BNC2: variants seen among roughly 807,000 people sequenced by gnomAD.
The protein encoded by BNC2 is zinc finger protein basonuclin-2.
Under a neutral mutation model 76.3 loss-of-function variants are expected in BNC2, and 20 were observed. That is an observed-to-expected ratio of 0.26 (90% CI 0.18 to 0.38). The LOEUF (loss-of-function observed/expected upper bound fraction) is 0.38, where lower values mean the gene tolerates loss of function less well. Among genes scored for constraint, BNC2 ranks in the 10% least tolerant of loss-of-function variants. BNC2 has a pLI of 1.00. For synonymous variants in BNC2, 582 were observed against 514.8 expected (o/e 1.13, Z -1.77); for missense variants, 1,382 against 1,399.8 (o/e 0.99, Z 0.20).
chr9:16,771,404 C>G (rs1825828158), intron 1 of BNC2, among the ~76,000 whole-genome samples: 1 of 152,156 alleles, frequency 6.6e-6, no homozygotes, highest in South Asian at 2.1e-4. Flanking sequence ...TATGTGAGAT[C>G]AAAACTTGGC....
At chr9:16,640,656 C>T (rs1257724624) in intron 3 of BNC2, among the ~76,000 whole-genome samples, 1 of 152,302 alleles carries the variant, frequency 6.6e-6, no homozygotes, top group South Asian at 2.1e-4. Flanking sequence ...TTGCCGTATA[C>T]ATTAAGCATG....
At chr9:16,832,851 G>A (rs1275974486) in intron 1 of BNC2, among the ~76,000 whole-genome samples, 2 of 151,824 alleles carry the variant, frequency 1.3e-5, no homozygotes, top group Non-Finnish European at 2.9e-5. Flanking sequence ...TCAGCCTGCC[G>A]AGTAGCTGGG....
At chr9:16,535,503 T>C (rs1818103368) in intron 5 of BNC2, among the ~76,000 whole-genome samples, 3 of 152,156 alleles carry the variant, frequency 2.0e-5, no homozygotes, top group Admixed American at 2.0e-4. Context: ...CTAGTGCATC[T>C]AGTCAGCAAG....
intron 3 of BNC2, among the ~76,000 whole-genome samples, chr9:16,723,339 T>TA (rs575761460): frequency 1.3e-5 from 2 of 152,168 alleles, no homozygotes; most frequent in South Asian, 2.1e-4. Flanking sequence ...ACATCCTATG[T>TA]AAAAAGGGAT....
intron 1 of BNC2, among the ~76,000 whole-genome samples, chr9:16,739,453 A>C (rs564070530): frequency 1.3e-5 from 2 of 152,314 alleles, no homozygotes; most frequent in Admixed American, 6.5e-5. Context: ...CAGATAACCT[A>C]AAGTCAGGAG....
intron 1 of BNC2, among the ~76,000 whole-genome samples, chr9:16,811,799 T>C (rs1818062769): frequency 6.6e-6 from 1 of 152,130 alleles, no homozygotes; most frequent in Non-Finnish European, 1.5e-5. Context: ...TGAATGGCCT[T>C]AGTGAAGGGG....
intron 5 of BNC2, among the ~76,000 whole-genome samples, chr9:16,498,115 G>C (rs1225463039): frequency 7.7e-6 from 1 of 130,538 alleles, no homozygotes; most frequent in African/African-American, 3.0e-5. Context: ...TCTATCATAT[G>C]TATATATTCT....
chr9:16,813,540 C>G (rs1344438530), intron 1 of BNC2, among the ~76,000 whole-genome samples: 1 of 152,132 alleles, frequency 6.6e-6, no homozygotes, highest in Non-Finnish European at 1.5e-5. Context: ...GCCGGGATTA[C>G]AGGCGTGAGC....
At chr9:16,751,973 G>C (rs1473019784) in intron 1 of BNC2, among the ~76,000 whole-genome samples, 1 of 152,044 alleles carries the variant, frequency 6.6e-6, no homozygotes, top group Non-Finnish European at 1.5e-5. Flanking sequence ...AGGTTGCAGT[G>C]AGCCCAGATC....
chr9:16,834,202 A>C (rs1179756948), intron 1 of BNC2, among the ~76,000 whole-genome samples: 2 of 151,678 alleles, frequency 1.3e-5, no homozygotes, highest in African/African-American at 4.9e-5. Context: ...CAGTCAAAAA[A>C]AAAATCCCTT....
chr9:16,424,897 G>T (rs1180186107), intron 6 of BNC2, among the ~76,000 whole-genome samples: 1 of 152,086 alleles, frequency 6.6e-6, no homozygotes, highest in Non-Finnish European at 1.5e-5. Context: ...TTAACGATAG[G>T]ATGCTTATGG....
intron 5 of BNC2, among the ~76,000 whole-genome samples, chr9:16,487,577 G>A (rs144569874): frequency 6.6e-6 from 1 of 152,020 alleles, no homozygotes; most frequent in Non-Finnish European, 1.5e-5. Flanking sequence ...ATATTATTTT[G>A]TCTGACTTAT....
chr9:16,733,215 C>T (rs2135058657), intron 2 of BNC2, among the ~76,000 whole-genome samples: 1 of 152,214 alleles, frequency 6.6e-6, no homozygotes, highest in Non-Finnish European at 1.5e-5. Flanking sequence ...TAACAGATGT[C>T]TTAAGTGAAA....
chr9:16,710,215 C>T (rs1483305898), intron 3 of BNC2, among the ~76,000 whole-genome samples: 2 of 152,164 alleles, frequency 1.3e-5, no homozygotes, highest in African/African-American at 4.8e-5. Flanking sequence ...AATGATGGAC[C>T]TTCCACCAGT....
At chr9:16,782,663 G>C (rs1826186361) in intron 1 of BNC2, among the ~76,000 whole-genome samples, 1 of 152,118 alleles carries the variant, frequency 6.6e-6, no homozygotes, top group Non-Finnish European at 1.5e-5. Context: ...ACTCACATAT[G>C]TGCCGATGGA....
intron 3 of BNC2, among the ~76,000 whole-genome samples, chr9:16,671,043 T>C (rs572623959): frequency 6.6e-6 from 1 of 152,072 alleles, no homozygotes; most frequent in Admixed American, 6.5e-5. Flanking sequence ...GCCATACGGA[T>C]CAAGGGAAAT....
In BNC2 at chr9:16,483,298, T is replaced by C. The variant is rs1822097637; in HGVS notation, c.670-45774A>G. Among the ~76,000 whole-genome samples the C allele has an allele frequency of 2.0e-5, 3 of 152,222 alleles. No individual in the cohort carries two copies. In the South Asian group the frequency reaches 6.2e-4, roughly 32 times the overall value. On this transcript the variant is annotated intron_variant, in intron 5 of 6. Coordinates refer to ENST00000380672, the MANE Select transcript of BNC2 (RefSeq NM_017637.6). ...ATACAAGCAACTGACCATATTTCAT[T>C]TCCTTACATACTATTCCCTTCCTTT...
intron 3 of BNC2, among the ~76,000 whole-genome samples, chr9:16,609,335 G>T (rs1032728820): frequency 2.0e-5 from 3 of 152,024 alleles, no homozygotes; most frequent in South Asian, 4.1e-4. Flanking sequence ...TTCCAATAGA[G>T]GGGGGGAAAC....
intron 4 of BNC2, 91 bp downstream of exon 4, chr9:16,582,888 AACAG>A: frequency 1.4e-6 from 1 of 699,636 alleles, no homozygotes; most frequent in Admixed American, 2.7e-5. Context: ...GACTCCTCTA[AACAG>A]ACACACACAC....
Sources: gnomAD v4.1 joint callset for allele counts (sites outside exome capture counted in the v4.1 genomes callset) on GRCh38, gnomAD v4.1.1 for gene constraint, MANE v1.5 for transcripts, NCBI Gene and HGNC (gene_info 2026-07-23, HGNC 2026-07-21) for gene names.